The following G3BP2 variants were observed in gnomAD, a reference collection of about 807,000 sequenced individuals.
G3BP2 encodes ras GTPase-activating protein-binding protein 2.
G3BP2 carries 11 observed loss-of-function variants against 56.7 expected under a neutral mutation model. The ratio of observed to expected loss-of-function variants is 0.19; its 90% CI spans 0.12 to 0.32. The LOEUF (loss-of-function observed/expected upper bound fraction) is 0.32. G3BP2 is among the 10% of genes least tolerant of loss of function. G3BP2 has a pLI of 1.00. For missense variants in G3BP2, 340 were observed against 610.9 expected, an observed-to-expected ratio of 0.56 and a Z score of 4.67; for synonymous variants, 165 against 191.6, an observed-to-expected ratio of 0.86 and a Z score of 1.15.
At chr4:75,650,156 C>G (rs186476645) in intron 8 of G3BP2, among the ~76,000 whole-genome samples, 3 of 151,652 alleles carry the variant, frequency 2.0e-5, no homozygotes, top group Admixed American at 1.3e-4. Flanking sequence ...TTCCTTCAGC[C>G]AGGCACAGTA....
At chr4:75,662,093 G>A in intron 1 of G3BP2, 44 bp from the exon 2 acceptor site, 1 of 1,078,868 alleles carries the variant, frequency 9.3e-7, no homozygotes, top group Non-Finnish European at 1.4e-6. Flanking sequence ...AGTCATCTTT[G>A]TCATCAACCA....
At chr4:75,673,694 C>A, upstream of G3BP2, 1 of 1,115,770 alleles carries the variant, frequency 9.0e-7, no homozygotes, top group Non-Finnish European at 1.1e-6. Context: ...GCCTTGCCGC[C>A]CTTCTTCCTG....
At chr4:75,717,923 G>A (rs1027054594) in intron 3 of G3BP2, among the ~76,000 whole-genome samples, 11 of 152,080 alleles carry the variant, frequency 7.2e-5, no homozygotes, top group Non-Finnish European at 1.3e-4. Flanking sequence ...GGTGGGTCAC[G>A]AGGTAAGGAG....
intron 3 of G3BP2, among the ~76,000 whole-genome samples, chr4:75,704,012 G>GTTTTTTTTTTTTTTTTTTTTTTTT (rs11315970): frequency 2.2e-5 from 3 of 138,960 alleles, no homozygotes; most frequent in South Asian, 2.2e-4. Flanking sequence ...TCTATGAAAG[G>GTTTTTTTTTTTTTTTTTTTTTTTT]TTTTTTTTTT....
intron 5 of G3BP2, 116 bp downstream of exon 5, chr4:75,656,808 G>T: frequency 1.5e-6 from 1 of 658,968 alleles, no homozygotes; most frequent in Non-Finnish European, 2.7e-6. Context: ...AAAAAAGGAT[G>T]TTTGACACAG....
chr4:75,674,216 T>C (rs61279059), upstream of G3BP2, among the ~76,000 whole-genome samples: 3 of 152,184 alleles, frequency 2.0e-5, no homozygotes, highest in East Asian at 5.8e-4. Flanking sequence ...GGTCTGGCAG[T>C]GTTTTCAGAG....
At chr4:75,723,133 G>C (rs974460774) in intron 1 of G3BP2, among the ~76,000 whole-genome samples, 1 of 152,202 alleles carries the variant, frequency 6.6e-6, no homozygotes, top group Non-Finnish European at 1.5e-5. Flanking sequence ...GAGTTTGCTT[G>C]ATGAAGAGAA....
At chr4:75,646,922 T>G (rs982723069) in intron 10 of G3BP2, 107 bp downstream of exon 10, 1 of 673,068 alleles carries the variant, frequency 1.5e-6, no homozygotes, top group African/African-American at 1.8e-5. Flanking sequence ...CTGGACACAG[T>G]ATAAAGAGAG....
At chr4:75,691,456 A>C (rs1718853281) in intron 3 of G3BP2, among the ~76,000 whole-genome samples, 1 of 151,882 alleles carries the variant, frequency 6.6e-6, no homozygotes, top group South Asian at 2.1e-4. Context: ...CAATCCTCCC[A>C]CCTCGGCCTC....
At chr4:75,705,003 T>C (rs1467354623) in intron 3 of G3BP2, among the ~76,000 whole-genome samples, 1 of 152,252 alleles carries the variant, frequency 6.6e-6, no homozygotes, top group Non-Finnish European at 1.5e-5. Context: ...CAGCTTTGAA[T>C]GTGGCCACAA....
intron 3 of G3BP2, among the ~76,000 whole-genome samples, chr4:75,683,826 T>C (rs948755459): frequency 2.3e-4 from 35 of 151,972 alleles, no homozygotes; most frequent in African/African-American, 7.5e-4. Flanking sequence ...CCTAACTCCA[T>C]AGCCATGCCG....
chr4:75,695,622 A>G (rs1178093661), intron 3 of G3BP2, among the ~76,000 whole-genome samples: 1 of 152,144 alleles, frequency 6.6e-6, no homozygotes, highest in East Asian at 1.9e-4. Context: ...AGCCACATTT[A>G]AGGGAGGGAG....
rs752773423 is a variant in G3BP2 at position 75,655,086 on chromosome 4, G to A, written c.706C>T (p.Leu236=). 8.1e-6 allele frequency: 13 copies of A among 1,611,494 alleles called. No individual in the cohort carries two copies. Among genetic ancestry groups the A allele is most frequent in the Non-Finnish European group, 1.1e-5 (13 of 1,179,028 alleles). The change falls in exon 7 of 12, where the codon CTG becomes TTG. Residue 236 remains leucine (L), a synonymous_variant. Transcript: ENST00000359707. ...CTAACCTTTGGTGGTTCTTGTGGCA[G>A]AGAAACAGGTTCTGCCGGAGGAGGA... The part of the protein sequence containing the change: ...TTPPPAEPVS[L]PQEPPKAFSW...
At chr4:75,702,202 G>A (rs535850492) in intron 3 of G3BP2, among the ~76,000 whole-genome samples, 1 of 135,510 alleles carries the variant, frequency 7.4e-6, no homozygotes, top group Admixed American at 7.9e-5. Flanking sequence ...TTGAGACAGG[G>A]TCTGGCTCTG....
chr4:75,684,684 C>G (rs967168319), intron 3 of G3BP2, among the ~76,000 whole-genome samples: 30 of 151,988 alleles, frequency 2.0e-4, no homozygotes, highest in African/African-American at 6.5e-4. Flanking sequence ...GAACATGCCA[C>G]CATGCCCAGC....
chr4:75,698,093 A>G (rs4859546), intron 3 of G3BP2, among the ~76,000 whole-genome samples: 133,352 of 152,238 alleles, frequency 0.88, 58,424 homozygotes, highest in East Asian at 0.91. Context: ...CTGTGAATAT[A>G]TTTCCTTACA....
chr4:75,673,122 G>T, intron 1 of G3BP2, 86 bp downstream of exon 1: 1 of 1,087,406 alleles, frequency 9.2e-7, no homozygotes, highest in Non-Finnish European at 1.1e-6. Flanking sequence ...CTCACACACC[G>T]GACGATTGCC....
intron 3 of G3BP2, among the ~76,000 whole-genome samples, chr4:75,681,429 G>A (rs1734070238): frequency 1.3e-5 from 2 of 152,148 alleles, no homozygotes; most frequent in Non-Finnish European, 1.5e-5. Flanking sequence ...ACCCTCAGTG[G>A]ATGCCTGAAA....
Position 75,661,945 on chromosome 4 carries a change from C to A in G3BP2, c.81G>T (p.Pro27=). ...TTAAAATTTACCTGTGTAAATATTC[C>A]GGAGCTTTATTCAGCAAAGTATAAT... ...RQYYTLLNKA[P]EYLHRFYGRN... Residue 27 remains proline (P), a synonymous_variant, in exon 2 of 12, where the codon CCG becomes CCT. Transcript: ENST00000359707. 1.3e-6 allele frequency: 2 copies of A among 1,561,034 alleles called. No individual in the cohort carries two copies. Among genetic ancestry groups the A allele is most frequent in the South Asian group, 2.2e-5 (2 of 89,646 alleles).
Sources: gnomAD v4.1 joint callset for allele counts (sites outside exome capture counted in the v4.1 genomes callset) on GRCh38, gnomAD v4.1.1 for gene constraint, MANE v1.5 for transcripts, NCBI Gene and HGNC (gene_info 2026-07-23, HGNC 2026-07-21) for gene names.